VPS37A: variants seen among roughly 807,000 people sequenced by gnomAD.
The protein encoded by VPS37A is VPS37A subunit of ESCRT-I.
Under a neutral mutation model 49.8 loss-of-function variants are expected in VPS37A, and 30 were observed. That is an observed-to-expected ratio of 0.60 (90% CI 0.45 to 0.82). The LOEUF (loss-of-function observed/expected upper bound fraction) is 0.82. Among genes scored for constraint, VPS37A ranks in the 40% least tolerant of loss-of-function variants. The pLI is 0.00. For missense variants in VPS37A, 593 were observed against 464.4 expected (o/e 1.28, Z -2.55); for synonymous variants, 195 against 160.6 (o/e 1.21, Z -1.62).
chr8:17,312,022 A>C, the VPS37A span, among the ~76,000 whole-genome samples: 4 of 152,100 alleles, frequency 2.6e-5, no homozygotes, highest in Admixed American at 6.5e-5. Context: ...AAAAGGCAAA[A>C]AAGTTATAAA....
At chr8:17,333,053 T>A in the VPS37A span, among the ~76,000 whole-genome samples, 1 of 152,110 alleles carries the variant, frequency 6.6e-6, no homozygotes, top group South Asian at 2.1e-4. Flanking sequence ...CAGCAGAGGA[T>A]AAGCCATTGC....
chr8:17,265,384 G>A (rs886780190), intron 1 of VPS37A, among the ~76,000 whole-genome samples: 5 of 152,174 alleles, frequency 3.3e-5, no homozygotes, highest in African/African-American at 1.2e-4. Flanking sequence ...TTGCTACCCA[G>A]AATAAAATCA....
chr8:17,270,870 G>C (rs924063097), intron 4 of VPS37A, among the ~76,000 whole-genome samples: 1 of 152,160 alleles, frequency 6.6e-6, no homozygotes, highest in Non-Finnish European at 1.5e-5. Context: ...TTCAAGTACA[G>C]ATGAGGTTTC....
At chr8:17,247,421 G>GGGGGGC in intron 1 of VPS37A, 52 bp downstream of exon 1, 92 of 163,796 alleles carry the variant, frequency 5.6e-4, no homozygotes, top group South Asian at 9.5e-4. Flanking sequence ...GGGAGGGCGG[G>GGGGGGC]CTTGTCCTAA....
At chr8:17,325,816 A>G in the VPS37A span, among the ~76,000 whole-genome samples, 1 of 152,208 alleles carries the variant, frequency 6.6e-6, no homozygotes, top group Non-Finnish European at 1.5e-5. Context: ...AAATTCAGCA[A>G]ATGTACCCAT....
the VPS37A span, among the ~76,000 whole-genome samples, chr8:17,323,630 T>C: frequency 6.6e-6 from 1 of 152,092 alleles, no homozygotes; most frequent in African/African-American, 2.4e-5. Context: ...TGAGCAGCAC[T>C]TGCAGCAGAG....
chr8:17,284,602 A>C lies in VPS37A; in HGVS notation c.1099A>C (p.Met367Leu), dbSNP rs758743971. ...AATAGATGATTTTCTCAGTAGCTTC[A>C]TGGAAAAGAGAACAGTATGTAATAC... ...MEIDDFLSSF[M>L]EKRTICHCRR... Residue 367 changes from methionine (M) to leucine (L), a missense_variant, in exon 10 of 12, where the codon ATG (methionine) becomes CTG (leucine). Transcript: ENST00000324849. 1.2e-6 allele frequency: 2 copies of C among 1,600,410 alleles called. No individual in the cohort carries two copies. The highest frequency in any genetic ancestry group is 1.7e-6 in the Non-Finnish European group (2 of 1,175,714).
In VPS37A at chr8:17,297,986, A is replaced by G. The variant is rs1816836589; in HGVS notation, c.*3000A>G. ...TTTTAAAACATCAAATATTTATACT[A>G]TTTGCTTTTCAAATAAAAGCATAGT... On this transcript the variant is annotated 3_prime_UTR_variant, in exon 12 of 12. Coordinates refer to ENST00000324849, the MANE Select transcript of VPS37A (RefSeq NM_152415.3). The G allele has an allele frequency of 6.6e-6, 1 of 152,058 alleles. No individual in the cohort carries two copies. Among genetic ancestry groups the G allele is most frequent in the Admixed American group, 6.6e-5 (1 of 15,262 alleles). 9.4% of individuals were successfully genotyped at this position (152,058 alleles called of 1,614,324 possible). A position where few individuals can be genotyped will look rare whatever the true frequency, so the allele number is the denominator to read the frequency against.
chr8:17,319,211 C>A, the VPS37A span, among the ~76,000 whole-genome samples: 2 of 152,218 alleles, frequency 1.3e-5, no homozygotes, highest in African/African-American at 4.8e-5. Context: ...AACATGGTAA[C>A]CTGGGCTAGT....
In VPS37A at chr8:17,279,210, T is replaced by C. The variant is rs187835500; in HGVS notation, c.714-818T>C. Among the ~76,000 whole-genome samples the C allele has an allele frequency of 3.2e-3, 492 of 152,272 alleles. 2 individuals carry two copies. Among genetic ancestry groups the C allele is most frequent in the Middle Eastern group, 0.014 (4 of 294 alleles). ...ACTGGTCCTACAGTAACTGACATTATACACTAGCAGAGACTGTTTATCTTG... is the reference window on the plus strand; with the variant it reads ...ACTGGTCCTACAGTAACTGACATTACACACTAGCAGAGACTGTTTATCTTG... On this transcript the variant is annotated intron_variant, in intron 6 of 11. Coordinates refer to ENST00000324849, the MANE Select transcript of VPS37A (RefSeq NM_152415.3).
At chr8:17,310,677 A>T in the VPS37A span, among the ~76,000 whole-genome samples, 4 of 152,154 alleles carry the variant, frequency 2.6e-5, no homozygotes, top group Non-Finnish European at 5.9e-5. Flanking sequence ...AAAAAAAGAA[A>T]AACATCCCAG....
intron 1 of VPS37A, among the ~76,000 whole-genome samples, chr8:17,256,404 G>T (rs1026260456): frequency 6.9e-6 from 1 of 145,828 alleles, no homozygotes; most frequent in South Asian, 2.1e-4. Context: ...CACGTAACTG[G>T]GTTTACAGGC....
intron 11 of VPS37A, among the ~76,000 whole-genome samples, chr8:17,291,958 G>A (rs1816197787): frequency 6.6e-6 from 1 of 152,156 alleles, no homozygotes; most frequent in Admixed American, 6.5e-5. Context: ...GTTGATTATG[G>A]GTGGATAGTT....
At chr8:17,332,435 G>C in the VPS37A span, among the ~76,000 whole-genome samples, 1 of 152,094 alleles carries the variant, frequency 6.6e-6, no homozygotes, top group Non-Finnish European at 1.5e-5. Context: ...ACAATGACAG[G>C]ATACACAATG....
At chr8:17,266,519 C>G (rs1434221305) in intron 2 of VPS37A, among the ~76,000 whole-genome samples, 4 of 152,122 alleles carry the variant, frequency 2.6e-5, no homozygotes, top group Non-Finnish European at 4.4e-5. Flanking sequence ...AGCAATTTAG[C>G]CTTAAATGCA....
the VPS37A span, chr8:17,309,363 C>G: frequency 2.2e-6 from 3 of 1,394,128 alleles, no homozygotes; most frequent in Non-Finnish European, 3.0e-6. Flanking sequence ...TGGAGAGAAG[C>G]AAACGAAAAA....
At chr8:17,302,046 A>G, downstream of VPS37A, 1 of 1,460,290 alleles carries the variant, frequency 6.8e-7, no homozygotes, top group South Asian at 1.2e-5. Flanking sequence ...TCTACTGACT[A>G]AAAATGTGAA....
chr8:17,321,909 A>G, the VPS37A span, among the ~76,000 whole-genome samples: 2 of 152,230 alleles, frequency 1.3e-5, no homozygotes, highest in Admixed American at 6.5e-5. Flanking sequence ...ACCTCTGCAA[A>G]TGTGGAATTT....
chr8:17,304,425 G>C (rs1817318780), downstream of VPS37A: 1 of 1,614,054 alleles, frequency 6.2e-7, no homozygotes, highest in Non-Finnish European at 8.5e-7. Flanking sequence ...AGGGTTCCCT[G>C]AGTCTGGCTG....
Sources: gnomAD v4.1 joint callset for allele counts (sites outside exome capture counted in the v4.1 genomes callset) on GRCh38, gnomAD v4.1.1 for gene constraint, MANE v1.5 for transcripts, NCBI Gene and HGNC (gene_info 2026-07-23, HGNC 2026-07-21) for gene names.